Variants in SIL1 observed in about 807,000 individuals in gnomAD.
SIL1 encodes nucleotide exchange factor SIL1.
A neutral mutation model predicts 49.1 loss-of-function variants in SIL1; 40 were observed. The observed-to-expected ratio is 0.81, with a 90% CI of 0.63 to 1.06. The LOEUF is 1.06. Among genes scored for constraint, SIL1 ranks in the 50% least tolerant of loss-of-function variants. SIL1 has a pLI of 0.00. For synonymous variants in SIL1, 253 were observed against 250.8 expected (o/e 1.01, Z -0.08); for missense variants, 500 against 572.6 (o/e 0.87, Z 1.29).
At chr5:139,192,827 C>T (rs890719235) in intron 1 of SIL1, among the ~76,000 whole-genome samples, 3 of 150,294 alleles carry the variant, frequency 2.0e-5, no homozygotes, top group African/African-American at 7.3e-5. Flanking sequence ...GTGAGACTGT[C>T]TCTACCAAAA....
chr5:139,087,204 C>T (rs1278529368), intron 3 of SIL1, among the ~76,000 whole-genome samples: 1 of 152,090 alleles, frequency 6.6e-6, no homozygotes, highest in Non-Finnish European at 1.5e-5. Context: ...AACACCAGCC[C>T]AGACCCCAGG....
intron 6 of SIL1, among the ~76,000 whole-genome samples, chr5:139,023,416 C>T (rs1768573369): frequency 6.6e-6 from 1 of 151,042 alleles, no homozygotes; most frequent in South Asian, 2.1e-4. Context: ...AAGCAGGGCA[C>T]TGATAAGACA....
intron 7 of SIL1, among the ~76,000 whole-genome samples, chr5:138,980,212 T>C (rs562416279): frequency 6.6e-6 from 1 of 152,302 alleles, no homozygotes; most frequent in East Asian, 1.9e-4. Flanking sequence ...GCCTATGAAC[T>C]TGCCTCTTCT....
intron 3 of SIL1, among the ~76,000 whole-genome samples, chr5:139,110,773 T>A (rs1404569216): frequency 6.6e-6 from 1 of 152,214 alleles, no homozygotes; most frequent in Non-Finnish European, 1.5e-5. Flanking sequence ...GTTCCCTTGA[T>A]GTTCCCTGTC....
At chr5:138,991,941 T>C (rs918242445) in intron 7 of SIL1, among the ~76,000 whole-genome samples, 4 of 152,234 alleles carry the variant, frequency 2.6e-5, no homozygotes, top group Non-Finnish European at 5.9e-5. Flanking sequence ...GGGCTATTTC[T>C]AAAAAGGCTG....
chr5:139,086,837 G>C (rs1385606009), intron 3 of SIL1, among the ~76,000 whole-genome samples: 1 of 151,822 alleles, frequency 6.6e-6, no homozygotes, highest in Non-Finnish European at 1.5e-5. Context: ...GCACATGCCT[G>C]TAATCCCAGC....
rs188655626 is a variant in SIL1 at position 138,947,806 on chromosome 5, A to G, written c.1030-333T>C. Among the ~76,000 whole-genome samples the G allele has an allele frequency of 8.5e-4, 129 of 152,354 alleles. No individual in the cohort carries two copies. The highest frequency in any genetic ancestry group is 3.4e-3 in the Middle Eastern group (1 of 294). ...CTAACAGTGCAGCATGGAGGCAGAC[A>G]GGCTGGCTTCAAATTCCTGCTCCAC... On this transcript the variant is annotated intron_variant, in intron 9 of 9. Coordinates refer to ENST00000394817, the MANE Select transcript of SIL1 (RefSeq NM_022464.5). This position sits in a 1 kb window ranked among gnomAD's most constrained non-coding sequence, Gnocchi z 4.1.
intron 3 of SIL1, among the ~76,000 whole-genome samples, chr5:139,082,734 T>G (rs1032905708): frequency 6.6e-5 from 10 of 152,232 alleles, no homozygotes; most frequent in African/African-American, 2.4e-4. Context: ...AATGCCAGGT[T>G]AGGGCCAAGG....
chr5:139,095,047 C>G (rs1415961194), intron 3 of SIL1, among the ~76,000 whole-genome samples: 1 of 152,154 alleles, frequency 6.6e-6, no homozygotes, highest in Non-Finnish European at 1.5e-5. Flanking sequence ...CCATAGGGTG[C>G]ATCATATCCA....
chr5:139,060,343 G>A (rs1769558022), intron 3 of SIL1, among the ~76,000 whole-genome samples: 2 of 151,722 alleles, frequency 1.3e-5, no homozygotes, highest in South Asian at 4.2e-4. Context: ...TCATTCCAAT[G>A]GTCCCGAAAC....
At chr5:139,029,452 T>C (rs1210401938) in intron 5 of SIL1, among the ~76,000 whole-genome samples, 1 of 152,184 alleles carries the variant, frequency 6.6e-6, no homozygotes, top group Admixed American at 6.5e-5. Flanking sequence ...GGCTCATCCA[T>C]ACTTAGAAAG....
chr5:139,096,757 G>A (rs6868085), intron 3 of SIL1, among the ~76,000 whole-genome samples: 70,173 of 151,394 alleles, frequency 0.46, 18,394 homozygotes, highest in African/African-American at 0.73. Context: ...GGCAGCATTC[G>A]TCATCTGCTA....
intron 4 of SIL1, 83 bp from the exon 5 acceptor site, chr5:139,042,802 C>T (rs568008914): frequency 1.6e-6 from 2 of 1,250,978 alleles, no homozygotes; most frequent in Admixed American, 1.7e-5. Context: ...CTCTGGGTGG[C>T]CAAGATGGAA....
intron 7 of SIL1, among the ~76,000 whole-genome samples, chr5:138,999,936 C>T (rs979161421): frequency 2.6e-5 from 4 of 152,148 alleles, no homozygotes; most frequent in Admixed American, 1.3e-4. Flanking sequence ...TTCTTCCTTT[C>T]CAATTTGGAT....
intron 1 of SIL1, among the ~76,000 whole-genome samples, chr5:139,163,357 TTTTG>T: frequency 6.6e-6 from 1 of 151,732 alleles, no homozygotes; most frequent in African/African-American, 2.4e-5. Flanking sequence ...TGCTTCACTG[TTTTG>T]TTTTTTTTTC....
intron 7 of SIL1, among the ~76,000 whole-genome samples, chr5:139,018,562 C>T (rs547599856): frequency 7.3e-6 from 1 of 137,480 alleles, no homozygotes. Context: ...TGTACTCCAG[C>T]CTGAGTGAAA....
At chr5:139,173,922 G>C (rs1705896684) in intron 1 of SIL1, among the ~76,000 whole-genome samples, 3 of 149,862 alleles carry the variant, frequency 2.0e-5, no homozygotes, top group Admixed American at 1.3e-4. Context: ...TTGCACCACT[G>C]TACTCCAGCC....
At chr5:139,129,171 G>A (rs188205744) in intron 1 of SIL1, among the ~76,000 whole-genome samples, 2 of 152,182 alleles carry the variant, frequency 1.3e-5, no homozygotes, top group East Asian at 3.9e-4. Context: ...GAAAGTTAGA[G>A]GACTCACTCT....
chr5:139,094,723 A>G (rs2151778422), intron 3 of SIL1, among the ~76,000 whole-genome samples: 1 of 152,338 alleles, frequency 6.6e-6, no homozygotes, highest in Non-Finnish European at 1.5e-5. Context: ...CTAAGAAACC[A>G]ACATTGGTAT....
Sources: gnomAD v4.1 joint callset for allele counts (sites outside exome capture counted in the v4.1 genomes callset) on GRCh38, gnomAD v4.1.1 for gene constraint, Gnocchi (gnomAD v3.1) non-coding constraint, MANE v1.5 for transcripts, NCBI Gene and HGNC (gene_info 2026-07-23, HGNC 2026-07-21) for gene names.